Variants in SLC35F4 observed in about 807,000 individuals in gnomAD.
The protein encoded by SLC35F4 is chromosome 14 open reading frame 36.
Under a neutral mutation model 44.2 loss-of-function variants are expected in SLC35F4, and 24 were observed. That is an observed-to-expected ratio of 0.54 (90% CI 0.39 to 0.76). SLC35F4 has a LOEUF of 0.76. Among genes scored for constraint, SLC35F4 ranks in the 30% least tolerant of loss-of-function variants. SLC35F4 has a pLI of 0.00. For missense variants in SLC35F4, 562 were observed against 586.1 expected, an observed-to-expected ratio of 0.96 and a Z score of 0.42; for synonymous variants, 238 against 223.6, an observed-to-expected ratio of 1.06 and a Z score of -0.57.
chr14:57,831,906 C>T (rs183742319), intron 1 of SLC35F4, among the ~76,000 whole-genome samples: 57 of 152,282 alleles, frequency 3.7e-4, no homozygotes, highest in Non-Finnish European at 6.5e-4. Flanking sequence ...TACTAAAATG[C>T]TTCCTAATCA....
At chr14:57,973,500 G>T (rs1201096517), downstream of SLC35F4, among the ~76,000 whole-genome samples, 3 of 152,252 alleles carry the variant, frequency 2.0e-5, no homozygotes, top group Admixed American at 6.5e-5. Flanking sequence ...AGATCTCTGT[G>T]GTTCTGTTTT....
At position 57,589,246 on chromosome 14, in the gene SLC35F4, T is replaced by C; in HGVS notation, c.557A>G (p.Gln186Arg). The change falls in exon 3 of 8, where the codon CAA becomes CGA. Residue 186 changes from glutamine (Q) to arginine (R), a missense_variant. By Grantham distance (43) the Gln-to-Arg change is conservative. Transcript: ENST00000556826. ...VYYSGHLATA[Q>R]EKQSPMKKFR... The stretch of plus-strand genomic sequence containing the variant: ...TTTTTTCATTGGAGATTGCTTTTCT[T>C]GAGCAGTGGCTAGATGACCAGAATA... The C allele has an allele frequency of 6.2e-7, 1 of 1,611,006 alleles. No homozygotes were observed. Among genetic ancestry groups the C allele is most frequent in the Non-Finnish European group, 8.5e-7 (1 of 1,178,516 alleles).
At chr14:57,674,138 A>C (rs1031964419) in intron 1 of SLC35F4, among the ~76,000 whole-genome samples, 2 of 152,096 alleles carry the variant, frequency 1.3e-5, no homozygotes, top group Non-Finnish European at 2.9e-5. Context: ...AGATTAGAGA[A>C]ATGCAAATTA....
intron 1 of SLC35F4, among the ~76,000 whole-genome samples, chr14:57,905,507 C>A (rs576679352): frequency 6.6e-6 from 1 of 152,226 alleles, no homozygotes; most frequent in Non-Finnish European, 1.5e-5. Flanking sequence ...CCTGCTAGTC[C>A]TCTGGCACTT....
intron 1 of SLC35F4, among the ~76,000 whole-genome samples, chr14:57,956,459 G>C (rs2141084554): frequency 6.6e-6 from 1 of 152,268 alleles, no homozygotes; most frequent in African/African-American, 2.4e-5. Context: ...TTAAACTAAA[G>C]AGCTTCTGCA....
At chr14:57,910,085 T>C (rs2141050775) in intron 1 of SLC35F4, among the ~76,000 whole-genome samples, 1 of 152,274 alleles carries the variant, frequency 6.6e-6, no homozygotes, top group African/African-American at 2.4e-5. Flanking sequence ...TTCCGTGCCA[T>C]CTGTATGTCT....
At chr14:57,675,384 G>A (rs1455780533) in intron 1 of SLC35F4, among the ~76,000 whole-genome samples, 2 of 152,022 alleles carry the variant, frequency 1.3e-5, no homozygotes, top group Non-Finnish European at 2.9e-5. Flanking sequence ...CTGGATTAGT[G>A]GATTGAAAAA....
intron 1 of SLC35F4, among the ~76,000 whole-genome samples, chr14:57,880,034 GAGGAAGGAAGGAAGGAAGGA>G (rs59505576): frequency 0.16 from 14,455 of 92,734 alleles, 1,348 homozygotes; most frequent in Admixed American, 0.2. Flanking sequence ...GGAAAGGAGG[GAGGAAGGAAGGAAGGAAGGA>G]AGGAAGGAAG....
At chr14:57,822,622 TAAAG>T in intron 1 of SLC35F4, among the ~76,000 whole-genome samples, 1 of 152,234 alleles carries the variant, frequency 6.6e-6, no homozygotes, top group South Asian at 2.1e-4. Context: ...CAAAGACCCA[TAAAG>T]AAACAATATT....
chr14:57,708,177 T>G (rs2075725429), intron 1 of SLC35F4, among the ~76,000 whole-genome samples: 1 of 152,206 alleles, frequency 6.6e-6, no homozygotes, highest in Non-Finnish European at 1.5e-5. Flanking sequence ...ATGGATCAGC[T>G]GATGCCACCC....
At chr14:57,792,408 G>A (rs2045644052) in intron 1 of SLC35F4, among the ~76,000 whole-genome samples, 1 of 152,056 alleles carries the variant, frequency 6.6e-6, no homozygotes, top group Non-Finnish European at 1.5e-5. Flanking sequence ...CCCACTACTG[G>A]GTATCTACCC....
chr14:57,966,234 T>G lies in SLC35F4; in HGVS notation n.282+15679A>C, dbSNP rs1392967777. Among the ~76,000 whole-genome samples the G allele has an allele frequency of 2.0e-5, 3 of 152,312 alleles. No individual in the cohort carries two copies. In the East Asian group the frequency reaches 5.8e-4, roughly 29 times the overall value. On this transcript the variant is annotated intron_variant and non_coding_transcript_variant, in intron 1 of 1. Transcript: ENST00000556568. The stretch of plus-strand genomic sequence containing the variant: ...TGCCTAATCAATGTTCTATCCCTAC[T>G]GTGATTCTCAGACAAAAAATATTTT...
chr14:57,793,012 A>G (rs1404178198), intron 1 of SLC35F4, among the ~76,000 whole-genome samples: 1 of 152,154 alleles, frequency 6.6e-6, no homozygotes, highest in Non-Finnish European at 1.5e-5. Flanking sequence ...AGCACTCAGC[A>G]AAATTAAGGG....
At chr14:57,920,532 G>C in intron 1 of SLC35F4, among the ~76,000 whole-genome samples, 1 of 152,212 alleles carries the variant, frequency 6.6e-6, no homozygotes. Flanking sequence ...ATGATCACAC[G>C]ATTGCACTGC....
chr14:57,619,226 AC>A (rs1484084220), intron 1 of SLC35F4, among the ~76,000 whole-genome samples: 1 of 151,930 alleles, frequency 6.6e-6, no homozygotes, highest in Non-Finnish European at 1.5e-5. Context: ...TGAGTCCCTG[AC>A]CCCATTTATC....
At chr14:57,894,853 G>A (rs1439886100) in intron 1 of SLC35F4, among the ~76,000 whole-genome samples, 1 of 152,122 alleles carries the variant, frequency 6.6e-6, no homozygotes, top group African/African-American at 2.4e-5. Context: ...CTATTTGAGA[G>A]TTTCAGGGAT....
At chr14:57,833,967 A>G (rs1354165841) in intron 1 of SLC35F4, among the ~76,000 whole-genome samples, 1 of 152,246 alleles carries the variant, frequency 6.6e-6, no homozygotes, top group East Asian at 1.9e-4. Context: ...CTCTCTTCAC[A>G]TGTTAAAATA....
chr14:57,963,106 T>C (rs987399038), intron 1 of SLC35F4, among the ~76,000 whole-genome samples: 3 of 152,140 alleles, frequency 2.0e-5, no homozygotes, highest in African/African-American at 7.2e-5. Flanking sequence ...AGACCCTCTC[T>C]CTTGAGTGAC....
chr14:57,709,762 T>C (rs2075771939), intron 1 of SLC35F4, among the ~76,000 whole-genome samples: 3 of 152,154 alleles, frequency 2.0e-5, no homozygotes, highest in Admixed American at 2.0e-4. Context: ...TACCCTAAGG[T>C]ATCTGGTAGA....
Sources: allele counts gnomAD v4.1 joint callset (sites outside exome capture counted in the v4.1 genomes callset), GRCh38; gene constraint gnomAD v4.1.1; transcripts MANE v1.5; gene names NCBI Gene and HGNC (gene_info 2026-07-23, HGNC 2026-07-21).